CD6: variants seen among roughly 807,000 people sequenced by gnomAD.
CD6 encodes T-cell differentiation antigen CD6.
Under a neutral mutation model 75.3 loss-of-function variants are expected in CD6, and 53 were observed. The ratio of observed to expected loss-of-function variants is 0.70; its 90% CI spans 0.56 to 0.88. The LOEUF is 0.88. CD6 is among the 40% of genes least tolerant of loss of function. The pLI is 0.00. For missense variants in CD6, 770 were observed against 897.1 expected, an observed-to-expected ratio of 0.86 and a Z score of 1.81; for synonymous variants, 359 against 381.5, an observed-to-expected ratio of 0.94 and a Z score of 0.69.
At chr11:60,995,518 A>G (rs1289053110) in intron 1 of CD6, among the ~76,000 whole-genome samples, 1 of 152,152 alleles carries the variant, frequency 6.6e-6, no homozygotes, top group Admixed American at 6.6e-5. Context: ...CTCACCATTA[A>G]CAATACCAAG....
In CD6 at chr11:61,019,997, A is replaced by G. The variant is rs773376273; in HGVS notation, c.*679A>G. On this transcript the variant is annotated 3_prime_UTR_variant, in exon 13 of 13. Transcript: ENST00000313421. ...GCCAGTCCTGCCCCAGAGACACTCC[A>G]AGTCCGCCAGGGGCACAGACCAGTT... 1.2e-4 allele frequency: 46 copies of G among 396,892 alleles called. No homozygotes were observed. Among genetic ancestry groups the G allele is most frequent in the Non-Finnish European group, 1.9e-4 (43 of 225,646 alleles). The allele number at this position is 396,892 out of a possible 1,614,324, so 24.6% of individuals were successfully genotyped here. A position where few individuals can be genotyped will look rare whatever the true frequency, so the allele number is the denominator to read the frequency against.
At chr11:60,980,275 G>A (rs1016923587) in intron 1 of CD6, among the ~76,000 whole-genome samples, 10 of 152,128 alleles carry the variant, frequency 6.6e-5, no homozygotes, top group African/African-American at 2.4e-4. Context: ...AATTCAGCAC[G>A]TTGGGAGGCC....
At chr11:60,989,821 C>T (rs754955711) in intron 1 of CD6, among the ~76,000 whole-genome samples, 3 of 152,126 alleles carry the variant, frequency 2.0e-5, no homozygotes, top group Non-Finnish European at 4.4e-5. Context: ...TACATTTCCC[C>T]GCCTGCACGA....
chr11:60,977,416 G>A (rs1055848997), intron 1 of CD6, among the ~76,000 whole-genome samples: 5 of 152,072 alleles, frequency 3.3e-5, no homozygotes, highest in Non-Finnish European at 5.9e-5. Flanking sequence ...CAGCCCCCTG[G>A]TAGGGCTGGG....
chr11:61,017,371 C>G, intron 9 of CD6, 108 bp from the exon 10 acceptor site: 1 of 800,194 alleles, frequency 1.2e-6, no homozygotes. Context: ...GAGTTGTCCT[C>G]CCACCCTATT....
rs1406656808 is a variant in CD6 at position 61,017,669 on chromosome 11, C to T, written c.1583-90C>T. ...TGAGTCTTTCCTGACTTTCACAAAT[C>T]CTATAGGCAGTAAGTGCTTTCTGAA... On this transcript the variant is annotated intron_variant, in intron 10 of 12. Coordinates refer to ENST00000313421, the MANE Select transcript of CD6 (RefSeq NM_006725.5). The T allele has an allele frequency of 3.1e-6, 5 of 1,588,330 alleles. No individual in the cohort carries two copies. The African/African-American group carries it at 6.7e-5, about 21-fold the overall frequency.
At chr11:60,996,306 A>C (rs998901534) in intron 1 of CD6, among the ~76,000 whole-genome samples, 1 of 152,058 alleles carries the variant, frequency 6.6e-6, no homozygotes, top group Non-Finnish European at 1.5e-5. Flanking sequence ...GCATCACAAC[A>C]TCCTTCCCTT....
At chr11:60,972,890 G>A (rs902360366) in intron 1 of CD6, among the ~76,000 whole-genome samples, 2 of 152,166 alleles carry the variant, frequency 1.3e-5, no homozygotes, top group Non-Finnish European at 2.9e-5. Context: ...CATGTGTTCC[G>A]AGCCTGTGGC....
intron 1 of CD6, among the ~76,000 whole-genome samples, chr11:60,973,028 G>A (rs1325602018): frequency 6.6e-6 from 1 of 152,224 alleles, no homozygotes; most frequent in East Asian, 1.9e-4. Flanking sequence ...TGGAATTTCA[G>A]CTGCCTTCTG....
In CD6 at chr11:61,008,655, G is replaced by A. The variant is rs768549272; in HGVS notation, c.591G>A (p.Val197=). ...DDTWDLEDAH[V]VCRQLGCGWA... The stretch of plus-strand genomic sequence containing the variant: ...CTTGGGACCTGGAGGACGCCCACGT[G>A]GTGTGCAGGCAACTGGGCTGCGGCT... Residue 197 remains valine (V), a synonymous_variant, in exon 4 of 13, where the codon GTG becomes GTA. Transcript: ENST00000313421. The A allele has an allele frequency of 2.5e-6, 4 of 1,608,520 alleles. No individual in the cohort carries two copies. Among genetic ancestry groups the A allele is most frequent in the Non-Finnish European group, 2.5e-6 (3 of 1,177,892 alleles).
chr11:60,986,962 T>C (rs563751578), intron 1 of CD6, among the ~76,000 whole-genome samples: 48 of 152,160 alleles, frequency 3.2e-4, no homozygotes, highest in Non-Finnish European at 6.6e-4. Context: ...ACCCCGTCTC[T>C]ACTAAAAATA....
rs1342564426 is a variant in CD6, at chr11:61,008,675, G to A, written c.611G>A (p.Cys204Tyr). The change falls in exon 4 of 13, where the codon TGC becomes TAC. Residue 204 changes from cysteine (C) to tyrosine (Y), a missense_variant. By Grantham distance (194) the Cys-to-Tyr change is radical. Transcript: ENST00000313421. ...CACGTGGTGTGCAGGCAACTGGGCT[G>A]CGGCTGGGCAGTCCAGGCCCTGCCC... Reference protein sequence around the residue: ...DAHVVCRQLGCGWAVQALPGL... With the variant: ...DAHVVCRQLGYGWAVQALPGL... The A allele has an allele frequency of 6.8e-5, 109 of 1,607,986 alleles. No individual in the cohort carries two copies. Among genetic ancestry groups the A allele is most frequent in the Non-Finnish European group, 9.3e-5 (109 of 1,177,808 alleles).
At chr11:60,981,363 A>ATTGGGTAGGGT (rs752031196) in intron 1 of CD6, among the ~76,000 whole-genome samples, 5 of 152,126 alleles carry the variant, frequency 3.3e-5, no homozygotes, top group South Asian at 2.1e-4. Context: ...CAGCCCTGGA[A>ATTGGGTAGGGT]TTGGGTAGGG....
In CD6 at chr11:61,006,558, T is replaced by C. The variant is rs958660910; in HGVS notation, c.50-16T>C. The C allele has an allele frequency of 1.3e-6, 2 of 1,587,122 alleles. No individual in the cohort carries two copies. Among genetic ancestry groups the C allele is most frequent in the African/African-American group, 1.3e-5 (1 of 74,648 alleles). On this transcript the variant is annotated splice_polypyrimidine_tract_variant and intron_variant, in intron 1 of 12. Coordinates refer to ENST00000313421, the MANE Select transcript of CD6 (RefSeq NM_006725.5). ...TGAGCTCACTCACCCACCATGCTGC[T>C]GCTGGTTCATTTCAGGTCATCCATC...
Position 60,981,186 on chromosome 11 carries a change from C to T in CD6, c.49+9272C>T, listed in dbSNP as rs137894268. ...GCACTCTGCAAATACGTAAACCTGC[C>T]TTCTCCTCGTCACAGCCCTAAGGAG... On this transcript the variant is annotated intron_variant, in intron 1 of 12. Coordinates refer to ENST00000313421, the MANE Select transcript of CD6 (RefSeq NM_006725.5). Among the ~76,000 whole-genome samples the T allele has an allele frequency of 7.4e-4, 112 of 152,326 alleles. 2 individuals are homozygous for T. In the East Asian group the frequency reaches 0.018, roughly 24 times the overall value.
At chr11:60,975,593 G>A (rs891139383) in intron 1 of CD6, among the ~76,000 whole-genome samples, 5 of 152,152 alleles carry the variant, frequency 3.3e-5, no homozygotes, top group Non-Finnish European at 7.3e-5. Context: ...TTGAACCTAG[G>A]AGTTCAAGAC....
At chr11:61,006,494 G>GCC (rs1412860686) in intron 1 of CD6, 80 bp from the exon 2 acceptor site, 1 of 1,180,614 alleles carries the variant, frequency 8.5e-7, no homozygotes, top group African/African-American at 1.5e-5. Context: ...TCCAGGAAGT[G>GCC]CCCCCTGCTC....
intron 1 of CD6, among the ~76,000 whole-genome samples, chr11:60,999,023 T>C (rs922784626): frequency 2.0e-5 from 3 of 152,010 alleles, no homozygotes; most frequent in African/African-American, 7.2e-5. Flanking sequence ...GCGGGCATGG[T>C]GGCACATGCC....
chr11:60,990,197 A>ATT (rs765806743), intron 1 of CD6, among the ~76,000 whole-genome samples: 35 of 152,220 alleles, frequency 2.3e-4, no homozygotes, highest in Non-Finnish European at 2.9e-4. Flanking sequence ...GCAAACATAC[A>ATT]GAAATGCATT....
Sources: allele counts gnomAD v4.1 joint callset (sites outside exome capture counted in the v4.1 genomes callset), GRCh38; gene constraint gnomAD v4.1.1; transcripts MANE v1.5; gene names NCBI Gene and HGNC (gene_info 2026-07-23, HGNC 2026-07-21).